Variants in DPP8 observed in about 807,000 individuals in gnomAD.
DPP8 encodes dipeptidyl peptidase 8, also known as DPP VIII.
A neutral mutation model predicts 107.5 loss-of-function variants in DPP8; 31 were observed. The observed-to-expected ratio is 0.29, with a 90% CI of 0.22 to 0.39. The LOEUF (loss-of-function observed/expected upper bound fraction) is 0.39. Ranked by LOEUF, DPP8 falls within the 10% of genes least tolerant of loss-of-function variation. The pLI is 1.00. For missense variants in DPP8, 842 were observed against 1,076.1 expected (o/e 0.78, Z 3.04); for synonymous variants, 381 against 356.6 (o/e 1.07, Z -0.77).
rs2063413503 is a variant in DPP8 at position 65,444,357 on chromosome 15, A to G, written c.*2527T>C. On this transcript the variant is annotated 3_prime_UTR_variant, in exon 20 of 20. Transcript: ENST00000300141. The stretch of plus-strand genomic sequence containing the variant: ...CCTCTGGATGGTTGTTCAAGTGTAC[A>G]CATTTATCAAGTCTTTAAAAACGTA... 6.6e-6 allele frequency: 1 copy of G among 152,212 alleles called. No homozygotes were observed. The highest frequency in any genetic ancestry group is 2.1e-4 in the South Asian group (1 of 4,832). The allele number at this position is 152,212 out of a possible 1,614,324, so 9.4% of individuals were successfully genotyped here.
intron 5 of DPP8, among the ~76,000 whole-genome samples, chr15:65,496,229 C>T (rs565672134): frequency 2.8e-4 from 42 of 152,142 alleles, no homozygotes; most frequent in Middle Eastern, 3.4e-3. Flanking sequence ...GTGATCTGCC[C>T]GCCTCGGCCT....
At chr15:65,474,083 C>T (rs352466) in intron 12 of DPP8, 126 bp downstream of exon 12, 38,879 of 700,584 alleles carry the variant, frequency 0.055, 1,217 homozygotes, top group African/African-American at 0.083. Context: ...CAGCCCTAGG[C>T]GACAGAGCAA....
At chr15:65,505,949 C>CAAA (rs369806063) in intron 3 of DPP8, among the ~76,000 whole-genome samples, 10 of 128,678 alleles carry the variant, frequency 7.8e-5, no homozygotes, top group Non-Finnish European at 1.3e-4. Flanking sequence ...GACTGTGTCT[C>CAAA]AAAAAAAAAA....
At chr15:65,447,199 T>C (rs1285462204) in intron 19 of DPP8, among the ~76,000 whole-genome samples, 193 bp from the exon 20 acceptor site, 2 of 151,996 alleles carry the variant, frequency 1.3e-5, no homozygotes, top group Admixed American at 6.6e-5. Flanking sequence ...TTAGGCTTAA[T>C]GATGGATTTA....
In DPP8 at chr15:65,479,015, G is replaced by A. The variant is rs61736629; in HGVS notation, c.1321C>T (p.Pro441Ser). The A allele has an allele frequency of 2.6e-4, 417 of 1,582,242 alleles. 1 individual carries two copies. In the African/African-American group the frequency reaches 5.0e-3, roughly 19 times the overall value. ...TCAATTTCCTCTTCGTGACTTTGGG[G>A]AAAAACATGAAAGATGTCATGGATC... ...INIHDIFHVF[P>S]QSHEEEIEFI... The change falls in exon 11 of 20, where the codon CCC (proline) becomes TCC (serine). Residue 441 changes from proline (P) to serine (S), a missense_variant. Coordinates refer to ENST00000300141, the MANE Select transcript of DPP8 (RefSeq NM_130434.5).
rs1270279189 is a variant in DPP8, at chr15:65,448,876, A to ATG, written c.2527-1871_2527-1870insCA. On this transcript the variant is annotated intron_variant, in intron 19 of 19. Coordinates refer to ENST00000300141, the MANE Select transcript of DPP8 (RefSeq NM_130434.5). Reference sequence around the variant, plus strand: ...ACATATATATCTAAAATATATATATATATATATATATATATATATATATAT... The same window carrying ATG: ...ACATATATATCTAAAATATATATATATGTATATATATATATATATATATATAT... Among the ~76,000 whole-genome samples the ATG allele has an allele frequency of 2.7e-3, 82 of 30,510 alleles. 6 individuals are homozygous for ATG. The highest frequency in any genetic ancestry group is 0.013 in the African/African-American group (69 of 5,176). The allele number at this position is 30,510 out of a possible 152,430, so 20.0% of individuals were successfully genotyped here.
chr15:65,512,640 A>C, intron 1 of DPP8, 76 bp from the exon 2 acceptor site: 1 of 1,530,814 alleles, frequency 6.5e-7, no homozygotes, highest in Non-Finnish European at 8.8e-7. Context: ...GAGGGTCAAA[A>C]AAAAAGCGGG....
intron 5 of DPP8, among the ~76,000 whole-genome samples, chr15:65,493,333 C>T (rs1472847222): frequency 2.6e-5 from 4 of 152,006 alleles, no homozygotes; most frequent in East Asian, 3.9e-4. Flanking sequence ...CTGCCTGCCT[C>T]GGCCTCCCAA....
intron 12 of DPP8, among the ~76,000 whole-genome samples, chr15:65,473,799 A>G (rs2066131243): frequency 6.6e-6 from 1 of 152,212 alleles, no homozygotes; most frequent in Admixed American, 6.5e-5. Context: ...GCCGTAACTT[A>G]ATATTTTAAA....
At chr15:65,479,750 A>G (rs2140725167) in intron 10 of DPP8, among the ~76,000 whole-genome samples, 1 of 149,938 alleles carries the variant, frequency 6.7e-6, no homozygotes, top group Admixed American at 6.7e-5. Flanking sequence ...AGGCTGAGGC[A>G]GGAGAATGGC....
intron 16 of DPP8, among the ~76,000 whole-genome samples, chr15:65,454,752 T>C (rs1051795954): frequency 6.6e-6 from 1 of 152,218 alleles, no homozygotes; most frequent in Non-Finnish European, 1.5e-5. Context: ...CTCGAACTCC[T>C]GACCTCAAGT....
intron 2 of DPP8, 159 bp downstream of exon 2, chr15:65,512,136 T>C (rs1477971935): frequency 1.3e-6 from 1 of 770,164 alleles, no homozygotes; most frequent in Non-Finnish European, 2.2e-6. Context: ...GTTAATGCGA[T>C]ACAACAAAAT....
chr15:65,494,832 C>T (rs1052224905), intron 5 of DPP8, among the ~76,000 whole-genome samples: 3 of 152,080 alleles, frequency 2.0e-5, no homozygotes, highest in African/African-American at 7.2e-5. Flanking sequence ...ACTCCATCCC[C>T]TTTTCTCTAT....
chr15:65,500,461 A>C (rs2069099144), intron 4 of DPP8, 145 bp downstream of exon 4: 1 of 642,892 alleles, frequency 1.6e-6, no homozygotes, highest in Non-Finnish European at 2.7e-6. Flanking sequence ...ACCAATCTCC[A>C]TGTTTCTTGT....
chr15:65,459,769 A>C (rs895576225), intron 15 of DPP8, among the ~76,000 whole-genome samples: 12 of 152,126 alleles, frequency 7.9e-5, no homozygotes, highest in Non-Finnish European at 1.5e-4. Context: ...ATCTTGGCCA[A>C]CATGGTGAAA....
rs1404872638 is a variant in DPP8, at chr15:65,517,533, G to A, written c.-59C>T. ...CCGTCCCGACGTGCGCTATGGAGCG[G>A]GCCTGCGCCGCTTCATGCTGCGCCG... On this transcript the variant is annotated 5_prime_UTR_variant, in exon 1 of 20. Coordinates refer to ENST00000300141, the MANE Select transcript of DPP8 (RefSeq NM_130434.5). 1 of 152,392 alleles carries A rather than the reference G, an allele frequency of 6.6e-6. No individual in the cohort carries two copies. Among genetic ancestry groups the A allele is most frequent in the Non-Finnish European group, 1.5e-5 (1 of 68,142 alleles). The allele number at this position is 152,392 out of a possible 1,614,324, so 9.4% of individuals were successfully genotyped here.
intron 16 of DPP8, among the ~76,000 whole-genome samples, chr15:65,455,128 T>G (rs995010288): frequency 2.6e-5 from 4 of 152,144 alleles, no homozygotes; most frequent in African/African-American, 9.7e-5. Context: ...TAATTTTACT[T>G]TTCCTTTTTA....
At chr15:65,513,811 C>T (rs116552239) in intron 1 of DPP8, among the ~76,000 whole-genome samples, 1,713 of 152,180 alleles carry the variant, frequency 0.011, 23 homozygotes, top group South Asian at 0.046. Flanking sequence ...TTAACATGAG[C>T]GAAGTACCAA....
Position 65,478,906 on chromosome 15 carries a change from C to A in DPP8, c.1430G>T (p.Arg477Leu), listed in dbSNP as rs752452586. Residue 477 changes from arginine (R) to leucine (L), a missense_variant, in exon 11 of 20, where the codon CGA (arginine) becomes CTA (leucine). Arg to Leu is a moderately radical substitution (Grantham distance 102, BLOSUM62 -2). This residue lies in a region of DPP8 where 663 missense variants were observed against 758.0 expected (regional missense o/e 0.87). Transcript: ENST00000300141. Reference protein sequence around the residue: ...TSILKESKYKRSSGGLPAPSD... With the variant: ...TSILKESKYKLSSGGLPAPSD... Reference sequence around the variant, plus strand: ...TGGAGCAGGCAGCCCACCACTGGATCGTTTATATTTGCTTTCCTTTAAAAT... The same window carrying A: ...TGGAGCAGGCAGCCCACCACTGGATAGTTTATATTTGCTTTCCTTTAAAAT... The A allele has an allele frequency of 1.7e-5, 27 of 1,578,018 alleles. No individual in the cohort carries two copies. The highest frequency in any genetic ancestry group is 3.3e-4 in the Middle Eastern group (2 of 6,014).
Sources: gnomAD v4.1 joint callset for allele counts (sites outside exome capture counted in the v4.1 genomes callset) on GRCh38, gnomAD v4.1.1 for gene constraint, gnomAD v4.1.1 regional missense constraint, MANE v1.5 for transcripts, NCBI Gene and HGNC (gene_info 2026-07-23, HGNC 2026-07-21) for gene names.